ARPP21: variants seen among roughly 807,000 people sequenced by gnomAD.
ARPP21 encodes the protein cAMP-regulated phosphoprotein 21.
Under a neutral mutation model 113.2 loss-of-function variants are expected in ARPP21, and 69 were observed. The observed-to-expected ratio is 0.61, with a 90% CI of 0.50 to 0.74. ARPP21 has a LOEUF of 0.74. Ranked by LOEUF, ARPP21 falls within the 30% of genes least tolerant of loss-of-function variation. ARPP21 has a pLI of 0.00. For missense variants in ARPP21, 1,070 were observed against 1,037.4 expected, an observed-to-expected ratio of 1.03 and a Z score of -0.43; for synonymous variants, 368 against 375.5, an observed-to-expected ratio of 0.98 and a Z score of 0.23.
chr3:35,709,440 G>A (rs983398961), intron 11 of ARPP21, among the ~76,000 whole-genome samples: 2 of 151,922 alleles, frequency 1.3e-5, no homozygotes, highest in African/African-American at 4.8e-5. Flanking sequence ...CATTGTACAG[G>A]GTAAAGAATT....
At chr3:35,767,604 G>A (rs914180874) in intron 19 of ARPP21, among the ~76,000 whole-genome samples, 1 of 152,110 alleles carries the variant, frequency 6.6e-6, no homozygotes, top group Admixed American at 6.6e-5. Context: ...AAAGCCAAGT[G>A]TTTTCCTATG....
At chr3:35,727,239 A>AT (rs1419469566) in intron 14 of ARPP21, among the ~76,000 whole-genome samples, 1 of 152,108 alleles carries the variant, frequency 6.6e-6, no homozygotes, top group Non-Finnish European at 1.5e-5. Context: ...CATACGTACA[A>AT]TTTCAAGTGG....
chr3:35,667,161 T>A (rs367916491), intron 1 of ARPP21, among the ~76,000 whole-genome samples: 1 of 152,320 alleles, frequency 6.6e-6, no homozygotes. Context: ...CTACATTCTT[T>A]AATCAAAATA....
chr3:35,679,716 C>T (rs1336262917), intron 1 of ARPP21, 71 bp from the exon 2 acceptor site: 2 of 151,962 alleles, frequency 1.3e-5, no homozygotes, highest in Admixed American at 6.6e-5. Context: ...GAAACCCCGT[C>T]TTATTTATTT....
intron 19 of ARPP21, among the ~76,000 whole-genome samples, chr3:35,790,017 C>T (rs776942227): frequency 2.6e-5 from 4 of 152,088 alleles, no homozygotes; most frequent in African/African-American, 9.7e-5. Context: ...CTAAGCAACC[C>T]GCTTCTCTTT....
chr3:35,742,807 G>C (rs534826663), intron 18 of ARPP21, among the ~76,000 whole-genome samples: 1 of 152,082 alleles, frequency 6.6e-6, no homozygotes, highest in African/African-American at 2.4e-5. Flanking sequence ...GTTTGTAGGC[G>C]GTCTACTAGG....
At chr3:35,758,841 G>A (rs537401877) in intron 19 of ARPP21, among the ~76,000 whole-genome samples, 5 of 152,042 alleles carry the variant, frequency 3.3e-5, no homozygotes, top group African/African-American at 4.8e-5. Flanking sequence ...GCAGAGAAAG[G>A]GAAATTGGGT....
chr3:35,711,510 T>C (rs1559705203), intron 11 of ARPP21, among the ~76,000 whole-genome samples: 1 of 152,196 alleles, frequency 6.6e-6, no homozygotes, highest in Non-Finnish European at 1.5e-5. Flanking sequence ...TGTTGCCTTA[T>C]AACAAAAAAT....
Position 35,656,325 on chromosome 3 carries a change from G to A in ARPP21, c.-213+15927G>A, listed in dbSNP as rs558499647. On this transcript the variant is annotated intron_variant, in intron 1 of 20. Transcript: ENST00000684406. ...CAAGGAAAATTTTAAAATAAAAATT[G>A]GTGAGCATTAGAGGTTAAAACTGTC... 2.0e-5 allele frequency among the ~76,000 whole-genome samples: 3 copies of A among 152,074 alleles called. No individual in the cohort carries two copies. In the South Asian group the frequency reaches 6.2e-4, roughly 32 times the overall value.
intron 19 of ARPP21, among the ~76,000 whole-genome samples, chr3:35,774,359 A>G (rs1295983366): frequency 2.0e-5 from 3 of 152,188 alleles, no homozygotes; most frequent in Non-Finnish European, 4.4e-5. Flanking sequence ...TTGCTTCTAC[A>G]TTAAATTTAC....
chr3:35,663,733 C>T (rs1429438825), intron 1 of ARPP21, among the ~76,000 whole-genome samples: 1 of 152,084 alleles, frequency 6.6e-6, no homozygotes, highest in Admixed American at 6.5e-5. Flanking sequence ...CACGCTCACC[C>T]CCACAGTCCT....
intron 11 of ARPP21, among the ~76,000 whole-genome samples, chr3:35,712,885 G>A (rs190084891): frequency 1.3e-5 from 2 of 152,224 alleles, no homozygotes; most frequent in Admixed American, 1.3e-4. Context: ...CTGACTTTGG[G>A]AAGGTTAAAT....
At chr3:35,728,118 CA>C (rs1241752830) in intron 14 of ARPP21, among the ~76,000 whole-genome samples, 1 of 145,376 alleles carries the variant, frequency 6.9e-6, no homozygotes, top group African/African-American at 2.5e-5. Context: ...ATGTAAAATT[CA>C]ATGCAGTACC....
chr3:35,787,209 C>T (rs929758257), intron 19 of ARPP21, among the ~76,000 whole-genome samples: 1 of 152,100 alleles, frequency 6.6e-6, no homozygotes, highest in Non-Finnish European at 1.5e-5. Flanking sequence ...TTTTTTATAA[C>T]CTAATTTTAT....
At chr3:35,684,998 T>A (rs1329741358) in intron 5 of ARPP21, 2 of 984,326 alleles carry the variant, frequency 2.0e-6, no homozygotes, top group Non-Finnish European at 2.4e-6. Flanking sequence ...AATGTGAATA[T>A]CACGGCTTAT....
At chr3:35,643,782 C>T (rs1699092841) in intron 1 of ARPP21, 2 of 151,996 alleles carry the variant, frequency 1.3e-5, no homozygotes, top group South Asian at 4.1e-4. Flanking sequence ...GAATGTGGGG[C>T]TTAAAGGTGA....
At chr3:35,768,691 T>C (rs2096076212) in intron 19 of ARPP21, among the ~76,000 whole-genome samples, 3 of 152,186 alleles carry the variant, frequency 2.0e-5, no homozygotes, top group Admixed American at 2.0e-4. Flanking sequence ...TAAGGCTTAA[T>C]TAAGCATGAC....
chr3:35,652,720 G>A (rs1015116485), intron 1 of ARPP21, among the ~76,000 whole-genome samples: 4 of 151,810 alleles, frequency 2.6e-5, no homozygotes, highest in East Asian at 1.9e-4. Flanking sequence ...GAGGTACATC[G>A]ATAAATGGTA....
At chr3:35,748,334 A>C (rs2095260176) in intron 19 of ARPP21, among the ~76,000 whole-genome samples, 1 of 150,998 alleles carries the variant, frequency 6.6e-6, no homozygotes. Flanking sequence ...GAAAGAAAGA[A>C]AGAAAAGAAA....
Sources: allele counts gnomAD v4.1 joint callset (sites outside exome capture counted in the v4.1 genomes callset), GRCh38; gene constraint gnomAD v4.1.1; transcripts MANE v1.5; gene names NCBI Gene and HGNC (gene_info 2026-07-23, HGNC 2026-07-21).